The following GPC5 variants were observed in gnomAD, a reference collection of about 807,000 sequenced individuals.
The protein encoded by GPC5 is glypican-5.
GPC5 carries 47 observed loss-of-function variants against 53.9 expected under a neutral mutation model. That is an observed-to-expected ratio of 0.87 (90% CI 0.69 to 1.11). The LOEUF is 1.11. GPC5 is among the 50% of genes most tolerant of loss of function. GPC5 has a pLI of 0.00. For missense variants in GPC5, 748 were observed against 713.1 expected, an observed-to-expected ratio of 1.05 and a Z score of -0.56; for synonymous variants, 286 against 263.3, an observed-to-expected ratio of 1.09 and a Z score of -0.84.
At chr13:92,602,724 G>T (rs1884117891) in intron 7 of GPC5, among the ~76,000 whole-genome samples, 1 of 152,084 alleles carries the variant, frequency 6.6e-6, no homozygotes, top group African/African-American at 2.4e-5. Context: ...GGGAAATTAG[G>T]TCAGTAACCT....
chr13:91,516,629 G>A (rs1885514315), intron 2 of GPC5, among the ~76,000 whole-genome samples: 1 of 152,214 alleles, frequency 6.6e-6, no homozygotes, highest in Admixed American at 6.5e-5. Context: ...GGGTCTGGAA[G>A]ACGGTGGCCC....
intron 2 of GPC5, among the ~76,000 whole-genome samples, chr13:91,614,848 G>A (rs1293384087): frequency 3.3e-5 from 5 of 152,092 alleles, no homozygotes; most frequent in East Asian, 3.9e-4. Flanking sequence ...TTGAATTCAC[G>A]TGTTACTGAA....
chr13:92,433,104 T>G (rs546073960), intron 7 of GPC5, among the ~76,000 whole-genome samples: 10 of 152,242 alleles, frequency 6.6e-5, no homozygotes, highest in African/African-American at 2.4e-4. Context: ...ACTAAGCATG[T>G]TTATTTGCTG....
chr13:91,973,918 C>T (rs1203446692), intron 6 of GPC5, among the ~76,000 whole-genome samples: 1 of 152,202 alleles, frequency 6.6e-6, no homozygotes, highest in Non-Finnish European at 1.5e-5. Flanking sequence ...CCCAGTTAGG[C>T]TGCTCGGGGT....
intron 7 of GPC5, among the ~76,000 whole-genome samples, chr13:92,547,623 C>G (rs1882163981): frequency 1.3e-5 from 2 of 152,108 alleles, no homozygotes; most frequent in Non-Finnish European, 2.9e-5. Flanking sequence ...TAGCCCCAGA[C>G]AGCCAGGTTT....
At chr13:92,864,698 G>A (rs921420495) in intron 7 of GPC5, among the ~76,000 whole-genome samples, 4 of 152,020 alleles carry the variant, frequency 2.6e-5, no homozygotes, top group African/African-American at 9.7e-5. Flanking sequence ...GGAATCACTA[G>A]TTTATTCATC....
At chr13:92,565,234 C>A (rs560905647) in intron 7 of GPC5, among the ~76,000 whole-genome samples, 70 of 152,100 alleles carry the variant, frequency 4.6e-4, no homozygotes, top group Non-Finnish European at 6.8e-4. Context: ...CATAAGTTTT[C>A]CAAAATGGGT....
At chr13:92,859,905 T>C (rs1220542485) in intron 7 of GPC5, among the ~76,000 whole-genome samples, 1 of 152,064 alleles carries the variant, frequency 6.6e-6, no homozygotes, top group African/African-American at 2.4e-5. Context: ...TTGGATGAAA[T>C]ATAGCATCAG....
intron 4 of GPC5, among the ~76,000 whole-genome samples, chr13:91,751,061 C>G (rs941338021): frequency 6.6e-6 from 1 of 152,084 alleles, no homozygotes; most frequent in Non-Finnish European, 1.5e-5. Context: ...ACCGTAGATC[C>G]CTGGTTCTAC....
chr13:92,316,998 T>C (rs1473228784), intron 7 of GPC5, among the ~76,000 whole-genome samples: 1 of 152,232 alleles, frequency 6.6e-6, no homozygotes, highest in African/African-American at 2.4e-5. Flanking sequence ...TTCTTGTTTA[T>C]TCTATCTTAA....
chr13:92,536,405 G>A (rs1242256513), intron 7 of GPC5, among the ~76,000 whole-genome samples: 1 of 152,116 alleles, frequency 6.6e-6, no homozygotes. Context: ...CAAGGTGCTA[G>A]TTTAATTAAA....
intron 6 of GPC5, among the ~76,000 whole-genome samples, chr13:91,912,174 T>C (rs187407093): frequency 1.2e-4 from 19 of 152,316 alleles, no homozygotes; most frequent in Non-Finnish European, 2.1e-4. Flanking sequence ...AAACATTTTA[T>C]TAAATGTATT....
intron 5 of GPC5, among the ~76,000 whole-genome samples, chr13:91,906,894 T>G (rs544567675): frequency 6.6e-6 from 1 of 151,876 alleles, no homozygotes; most frequent in African/African-American, 2.4e-5. Flanking sequence ...TTAGAAAATA[T>G]TTTGCAGATT....
rs78252918 is a variant in GPC5 at position 92,791,068 on chromosome 13, G to A, written c.1562-75214G>A. Reference sequence around the variant, plus strand: ...TGAAAATATTTGAAATATTTATTCTGTGAAATTCAACAGTCAGTTAGAATA... The same window carrying A: ...TGAAAATATTTGAAATATTTATTCTATGAAATTCAACAGTCAGTTAGAATA... On this transcript the variant is annotated intron_variant, in intron 7 of 7. Transcript: ENST00000377067. Among the ~76,000 whole-genome samples the A allele has an allele frequency of 3.0e-3, 451 of 152,074 alleles. 3 individuals are homozygous for A. The highest frequency in any genetic ancestry group is 0.01 in the African/African-American group (416 of 41,496).
At chr13:91,752,087 C>T (rs2037189854) in intron 4 of GPC5, among the ~76,000 whole-genome samples, 1 of 152,220 alleles carries the variant, frequency 6.6e-6, no homozygotes, top group African/African-American at 2.4e-5. Context: ...CCGGTGTTTT[C>T]ATGCGGCCTT....
At chr13:91,758,320 T>A (rs2037338122) in intron 5 of GPC5, among the ~76,000 whole-genome samples, 1 of 152,090 alleles carries the variant, frequency 6.6e-6, no homozygotes, top group Non-Finnish European at 1.5e-5. Context: ...GGAATTGAAC[T>A]TTTTGTATAT....
At chr13:92,449,854 A>G (rs948419875) in intron 7 of GPC5, among the ~76,000 whole-genome samples, 2 of 152,202 alleles carry the variant, frequency 1.3e-5, no homozygotes, top group African/African-American at 4.8e-5. Context: ...CCAGAATACT[A>G]GAAAATTGTA....
At position 91,663,735 on chromosome 13, in the gene GPC5, A is replaced by T. The variant is rs184147297; in HGVS notation, c.326-29452A>T. Among the ~76,000 whole-genome samples the T allele has an allele frequency of 2.7e-3, 406 of 152,048 alleles. 7 individuals are homozygous for T. The highest frequency in any genetic ancestry group is 0.024 in the Admixed American group (364 of 15,262). ...CACATCAGCCTCCTGAGTTGTTGGG[A>T]TTACAGGCATTAGTCATAGCTTCCA... On this transcript the variant is annotated intron_variant, in intron 2 of 7. Transcript: ENST00000377067.
chr13:91,530,811 A>G (rs1434860044), intron 2 of GPC5, among the ~76,000 whole-genome samples: 2 of 152,164 alleles, frequency 1.3e-5, no homozygotes, highest in African/African-American at 4.8e-5. Context: ...ATTTTATTTC[A>G]TTTATATCAA....
Sources: gnomAD v4.1 joint callset for allele counts (sites outside exome capture counted in the v4.1 genomes callset) on GRCh38, gnomAD v4.1.1 for gene constraint, MANE v1.5 for transcripts, NCBI Gene and HGNC (gene_info 2026-07-23, HGNC 2026-07-21) for gene names.